The following MTFR1 variants were observed in gnomAD, a reference collection of about 807,000 sequenced individuals.
MTFR1 encodes mitochondrial fission regulator 1, also known as chondrocyte protein with a poly-proline region.
Under a neutral mutation model 38.8 loss-of-function variants are expected in MTFR1, and 28 were observed. That is an observed-to-expected ratio of 0.72 (90% CI 0.53 to 0.99). MTFR1 has a LOEUF of 0.99. Among genes scored for constraint, MTFR1 ranks in the 50% least tolerant of loss-of-function variants. MTFR1 has a pLI of 0.00. For missense variants in MTFR1, 358 were observed against 395.5 expected (o/e 0.91, Z 0.81); for synonymous variants, 145 against 137.0 (o/e 1.06, Z -0.41).
the MTFR1 span, among the ~76,000 whole-genome samples, chr8:65,776,933 G>A: frequency 2.6e-5 from 4 of 152,214 alleles, no homozygotes; most frequent in South Asian, 2.1e-4. Flanking sequence ...ATTTCTCATC[G>A]CAGAAAGAAT....
chr8:65,705,588 A>G (rs888814067), intron 5 of MTFR1, among the ~76,000 whole-genome samples: 1 of 152,168 alleles, frequency 6.6e-6, no homozygotes, highest in Non-Finnish European at 1.5e-5. Context: ...ATGGGTTGCT[A>G]TCTACTTGGT....
intron 3 of MTFR1, chr8:65,725,021 C>T (rs1806552380): frequency 1.7e-6 from 1 of 581,018 alleles, no homozygotes. Flanking sequence ...TTATAGAACC[C>T]TAAAATATCC....
chr8:65,749,174 A>G (rs1807819523), intron 3 of MTFR1, among the ~76,000 whole-genome samples: 1 of 152,342 alleles, frequency 6.6e-6, no homozygotes, highest in African/African-American at 2.4e-5. Flanking sequence ...TTCTGATATT[A>G]TAATTAGTTT....
At chr8:65,727,212 A>G (rs747297892) in intron 3 of MTFR1, 1 of 1,613,340 alleles carries the variant, frequency 6.2e-7, no homozygotes, top group South Asian at 1.1e-5. Flanking sequence ...TAATAAGGAA[A>G]GGTTGATTAA....
At chr8:65,715,646 G>A (rs1183237369) in intron 2 of MTFR1, among the ~76,000 whole-genome samples, 10 of 148,790 alleles carry the variant, frequency 6.7e-5, no homozygotes, top group Admixed American at 1.3e-4. Flanking sequence ...CCAAAGTGCT[G>A]GGATTACAGG....
intron 1 of MTFR1, among the ~76,000 whole-genome samples, chr8:65,652,058 C>T (rs1809137106): frequency 6.6e-6 from 1 of 151,930 alleles, no homozygotes; most frequent in South Asian, 2.1e-4. Context: ...CCTCCTGCCT[C>T]AGCCTCCCAT....
intron 3 of MTFR1, among the ~76,000 whole-genome samples, chr8:65,733,515 A>G (rs190869054): frequency 6.6e-6 from 1 of 152,096 alleles, no homozygotes; most frequent in Non-Finnish European, 1.5e-5. Context: ...CAAAAAATTT[A>G]AAAAATTAGC....
chr8:65,683,478 G>T (rs562927693), intron 3 of MTFR1, among the ~76,000 whole-genome samples: 1 of 151,410 alleles, frequency 6.6e-6, no homozygotes, highest in Admixed American at 6.6e-5. Context: ...ACATAACTTT[G>T]TTCTTTTTTT....
chr8:65,760,112 C>T (rs117587105), intron 3 of MTFR1, among the ~76,000 whole-genome samples: 4,382 of 151,830 alleles, frequency 0.029, 91 homozygotes, highest in Non-Finnish European at 0.046. Context: ...TGGTGGTGGT[C>T]GCCTGTAATA....
chr8:65,710,519 A>C lies in MTFR1; in HGVS notation c.*1475A>C, dbSNP rs911574727. The C allele has an allele frequency of 6.6e-6, 1 of 152,628 alleles. No homozygotes were observed. Among genetic ancestry groups the C allele is most frequent in the Non-Finnish European group, 1.5e-5 (1 of 68,026 alleles). 9.5% of individuals were successfully genotyped at this position (152,628 alleles called of 1,614,324 possible). A position where few individuals can be genotyped will look rare whatever the true frequency, so the allele number is the denominator to read the frequency against. On this transcript the variant is annotated 3_prime_UTR_variant, in exon 8 of 8. Coordinates refer to ENST00000262146, the MANE Select transcript of MTFR1 (RefSeq NM_014637.4). ...GACAGTGCCCCCATATAAGGAAGTT[A>C]CTGTTTTAAAATAAAGCAAACTAAC...
chr8:65,661,137 T>G (rs1365115859), intron 1 of MTFR1, among the ~76,000 whole-genome samples: 1 of 152,198 alleles, frequency 6.6e-6, no homozygotes, highest in Non-Finnish European at 1.5e-5. Flanking sequence ...ATAACAATGG[T>G]GGATACATAT....
chr8:65,746,447 C>T (rs997355815), intron 3 of MTFR1, among the ~76,000 whole-genome samples: 2 of 151,978 alleles, frequency 1.3e-5, no homozygotes, highest in African/African-American at 4.8e-5. Context: ...TTTATATTAT[C>T]TAAATATGCT....
At chr8:65,767,590 G>A (rs1304162930) in intron 3 of MTFR1, among the ~76,000 whole-genome samples, 1 of 152,116 alleles carries the variant, frequency 6.6e-6, no homozygotes, top group Non-Finnish European at 1.5e-5. Context: ...ACTCTCCCCA[G>A]AGAGGGTCTT....
chr8:65,777,350 A>G, the MTFR1 span, among the ~76,000 whole-genome samples: 1 of 152,140 alleles, frequency 6.6e-6, no homozygotes, highest in Non-Finnish European at 1.5e-5. Flanking sequence ...AAGTGCTGGG[A>G]TTACAAGCGT....
intron 3 of MTFR1, among the ~76,000 whole-genome samples, chr8:65,740,895 G>GC (rs1280384843): frequency 4.6e-5 from 7 of 152,036 alleles, no homozygotes; most frequent in East Asian, 3.9e-4. Flanking sequence ...GCCTCTCCTG[G>GC]CCCCCTCCAG....
intron 1 of MTFR1, among the ~76,000 whole-genome samples, chr8:65,652,484 T>G (rs1322945724): frequency 6.6e-6 from 1 of 152,210 alleles, no homozygotes; most frequent in Non-Finnish European, 1.5e-5. Flanking sequence ...TCCTCCTGCT[T>G]TGGCCTCCCA....
intron 3 of MTFR1, chr8:65,720,377 C>T (rs1026808978): frequency 3.2e-5 from 5 of 154,092 alleles, no homozygotes; most frequent in African/African-American, 4.8e-5. Flanking sequence ...GATTCTATCA[C>T]GCTTTAAAAT....
chr8:65,752,568 C>T (rs551584264), intron 3 of MTFR1, among the ~76,000 whole-genome samples: 7 of 152,104 alleles, frequency 4.6e-5, no homozygotes, highest in South Asian at 2.1e-4. Context: ...TTTGTATGGC[C>T]GCCCACAGAA....
chr8:65,745,417 T>G, intron 3 of MTFR1: 1 of 1,548,704 alleles, frequency 6.5e-7, no homozygotes, highest in South Asian at 1.1e-5. Context: ...CATTTGTTAG[T>G]CTATCAAATA....
Sources: gnomAD v4.1 joint callset for allele counts (sites outside exome capture counted in the v4.1 genomes callset) on GRCh38, gnomAD v4.1.1 for gene constraint, MANE v1.5 for transcripts, NCBI Gene and HGNC (gene_info 2026-07-23, HGNC 2026-07-21) for gene names.